Variants in ECE2 observed in about 807,000 individuals in gnomAD.
ECE2 encodes the protein endothelin-converting enzyme 2.
A neutral mutation model predicts 100.6 loss-of-function variants in ECE2; 81 were observed. The observed-to-expected ratio is 0.81, with a 90% CI of 0.67 to 0.97. The LOEUF (loss-of-function observed/expected upper bound fraction) is 0.97, where lower values mean the gene tolerates loss of function less well. Ranked by LOEUF, ECE2 falls within the 50% of genes least tolerant of loss-of-function variation. ECE2 has a pLI of 0.00. For synonymous variants in ECE2, 391 were observed against 391.5 expected (o/e 1.00, Z 0.02); for missense variants, 911 against 988.1 (o/e 0.92, Z 1.05).
intron 3 of ECE2, 106 bp downstream of exon 3, chr3:184,277,133 G>GC: frequency 1.9e-6 from 3 of 1,599,374 alleles, no homozygotes; most frequent in Admixed American, 1.7e-5. Context: ...CTGCAGAAAA[G>GC]CCCCCGGCTT....
intron 8 of ECE2, among the ~76,000 whole-genome samples, chr3:184,284,311 G>A (rs1720936014): frequency 6.6e-6 from 1 of 152,110 alleles, no homozygotes; most frequent in African/African-American, 2.4e-5. Flanking sequence ...GGGAGGCCGA[G>A]GCGGGTGGAT....
intron 4 of ECE2, 141 bp downstream of exon 4, chr3:184,277,607 G>C (rs1720623759): frequency 1.0e-6 from 1 of 993,862 alleles, no homozygotes; most frequent in Admixed American, 2.6e-5. Context: ...GGGAGGCAGA[G>C]AGCAGGGGAC....
chr3:184,291,212 G>A lies in ECE2; in HGVS notation c.2007G>A (p.Gly669=), dbSNP rs770191908. The part of the protein sequence containing the change: ...TLGENIADNG[G]LKAAYNAYKA... Reference sequence around the variant, plus strand: ...GGGAGAACATTGCTGACAACGGGGGGCTGAAGGCTGCCTACAATGTGAGTG... The same window carrying A: ...GGGAGAACATTGCTGACAACGGGGGACTGAAGGCTGCCTACAATGTGAGTG... Residue 669 remains glycine, a synonymous_variant, in exon 17 of 19, where the codon GGG becomes GGA. Transcript: ENST00000404464. This position sits in a 1 kb window ranked among gnomAD's most constrained non-coding sequence, Gnocchi z 4.1. The A allele has an allele frequency of 4.3e-6, 7 of 1,612,284 alleles. No homozygotes were observed. In the South Asian group the frequency reaches 7.7e-5, roughly 18 times the overall value.
intron 7 of ECE2, 51 bp from the exon 8 acceptor site, chr3:184,283,734 C>T (rs1248102842): frequency 7.6e-6 from 12 of 1,585,288 alleles, no homozygotes; most frequent in Non-Finnish European, 8.6e-6. Context: ...CAGATCTCAG[C>T]CTTGGGCAGG....
At chr3:184,284,882 T>C (rs1560184942) in intron 8 of ECE2, 81 bp from the exon 9 acceptor site, 1 of 1,535,766 alleles carries the variant, frequency 6.5e-7, no homozygotes, top group East Asian at 2.3e-5. Context: ...TGGGAAGGGC[T>C]CCCAGGCTAC....
rs371470060 is a variant in ECE2 at position 184,276,519 on chromosome 3, C to T, written c.78C>T (p.Asp26=). 1 of 1,611,386 alleles carries T rather than the reference C, an allele frequency of 6.2e-7. No individual in the cohort carries two copies. The highest frequency in any genetic ancestry group is 1.3e-5 in the African/African-American group (1 of 74,994). Residue 26 remains aspartate, a synonymous_variant, in exon 2 of 19, where the codon GAC becomes GAT. Coordinates refer to ENST00000404464, the MANE Select transcript of ECE2 (RefSeq NM_001100121.2). ...AACGGGCCACGCTTCGGGATGAAGA[C>T]GCACCCGAGACCCCCGTAGAGGGCG... ...EYKRATLRDE[D]APETPVEGGA...
In ECE2 at chr3:184,276,116, G is replaced by C; in HGVS notation, c.-38G>C. The C allele has an allele frequency of 7.7e-7, 1 of 1,306,328 alleles. No homozygotes were observed. The highest frequency in any genetic ancestry group is 9.7e-7 in the Non-Finnish European group (1 of 1,030,698). The allele number at this position is 1,306,328 out of a possible 1,614,324, so 80.9% of individuals were successfully genotyped here. A position where few individuals can be genotyped will look rare whatever the true frequency, so the allele number is the denominator to read the frequency against. On this transcript the variant is annotated 5_prime_UTR_variant, in exon 1 of 19. Transcript: ENST00000404464. ...GCCGCGGCCCGGGAGCGGGCCAGCTGCCGGGAGCCCTGAATCACCGCCTGG... is the reference window on the plus strand; with the variant it reads ...GCCGCGGCCCGGGAGCGGGCCAGCTCCCGGGAGCCCTGAATCACCGCCTGG...
rs750468294 is a variant in ECE2, at chr3:184,287,856, A to G, written c.1283A>G (p.Gln428Arg). Residue 428 changes from glutamine (Q) to arginine (R), a missense_variant, in exon 11 of 19, where the codon CAG becomes CGG. Physicochemically the swap from Gln to Arg is conservative, Grantham distance 43 (BLOSUM62 1). Coordinates refer to ENST00000404464, the MANE Select transcript of ECE2 (RefSeq NM_001100121.2). ...GTKKSCVPRW[Q>R]TCISNTDDAL... ...TAACAGTCCTGTGTGCCGAGGTGGC[A>G]GACCTGCATCTCCAACACGGATGAC... The G allele has an allele frequency of 1.9e-5, 30 of 1,614,064 alleles. No homozygotes were observed. In the Admixed American group the frequency reaches 4.7e-4, roughly 25 times the overall value.
At chr3:184,290,191 C>G in intron 13 of ECE2, 64 bp from the exon 14 acceptor site, 1 of 1,350,006 alleles carries the variant, frequency 7.4e-7, no homozygotes, top group Non-Finnish European at 1.0e-6. Flanking sequence ...AGTAGCCAAA[C>G]TGGCGCTATT....
chr3:184,290,448 G>T, intron 14 of ECE2, 90 bp downstream of exon 14: 1 of 1,559,186 alleles, frequency 6.4e-7, no homozygotes, highest in Non-Finnish European at 8.8e-7. Flanking sequence ...GGCAAGACTG[G>T]TCCCAGACCG....
rs761132505 is a variant in ECE2, at chr3:184,278,002, C to A, written c.556C>A (p.Arg186Ser). The part of the protein sequence containing the change: ...RFYLSCLQVE[R>S]IEELGAQPLR... ...CTACCTATCTTGCCTACAGGTGGAG[C>A]GCATTGAGGAGCTGGGAGCCCAGCC... is the stretch of plus-strand genomic sequence containing the variant. Residue 186 changes from arginine (R) to serine (S), a missense_variant, in exon 5 of 19, where the codon CGC becomes AGC. Physicochemically the swap from Arg to Ser is moderately radical, Grantham distance 110. Transcript: ENST00000404464. The A allele has an allele frequency of 4.3e-6, 7 of 1,613,964 alleles. No individual in the cohort carries two copies. In the Admixed American group the frequency reaches 1.0e-4, roughly 23 times the overall value.
At position 184,291,193 on chromosome 3, in the gene ECE2, A is replaced by G. The variant is rs747081680; in HGVS notation, c.1988A>G (p.Asn663Ser). Reference sequence around the variant, plus strand: ...AACGGCCGCCAGACGCTGGGGGAGAACATTGCTGACAACGGGGGGCTGAAG... The same window carrying G: ...AACGGCCGCCAGACGCTGGGGGAGAGCATTGCTGACAACGGGGGGCTGAAG... Reference protein sequence around the residue: ...RLNGRQTLGENIADNGGLKAA... With the variant: ...RLNGRQTLGESIADNGGLKAA... Residue 663 changes from asparagine to serine, a missense_variant, in exon 17 of 19, where the codon AAC becomes AGC. Transcript: ENST00000404464. This position sits in a 1 kb window ranked among gnomAD's most constrained non-coding sequence, Gnocchi z 4.1. 1.9e-6 allele frequency: 3 copies of G among 1,613,554 alleles called. No homozygotes were observed. The highest frequency in any genetic ancestry group is 1.7e-4 in the Middle Eastern group (1 of 6,058).
Position 184,285,496 on chromosome 3 carries a change from G to T in ECE2, c.1167G>T (p.Leu389=). The T allele has an allele frequency of 6.2e-7, 1 of 1,614,074 alleles. No individual in the cohort carries two copies. Among genetic ancestry groups the T allele is most frequent in the South Asian group, 1.1e-5 (1 of 91,080 alleles). ...TTGTCAGCATCCTGAACAATTACCT[G>T]ATCTGGAACCTGGTGCAAAAGACAA... The part of the protein sequence containing the change: ...RTEPSILNNY[L]IWNLVQKTTS... Residue 389 remains leucine, a synonymous_variant, in exon 10 of 19, where the codon CTG becomes CTT. Transcript: ENST00000404464.
intron 7 of ECE2, among the ~76,000 whole-genome samples, chr3:184,282,345 A>T (rs1219977039): frequency 2.0e-5 from 3 of 151,606 alleles, no homozygotes; most frequent in Non-Finnish European, 4.4e-5. Flanking sequence ...ATGAATATTA[A>T]GGGATCTAAA....
In ECE2 at chr3:184,277,009, G is replaced by C. The variant is rs771468154; in HGVS notation, c.244G>C (p.Gly82Arg). ...GCTTCTGGGCTGCCTTGTGGCCCTA[G>C]GGGTCCAGTACCACAGAGGTAGGTG... ...ALLLGCLVAL[G>R]VQYHRDPSHS... Residue 82 changes from glycine to arginine, a missense_variant, in exon 3 of 19, where the codon GGG (glycine) becomes CGG (arginine). By Grantham distance (125) the Gly-to-Arg change is moderately radical. Coordinates refer to ENST00000404464, the MANE Select transcript of ECE2 (RefSeq NM_001100121.2). The C allele has an allele frequency of 1.2e-6, 2 of 1,614,010 alleles. No homozygotes were observed. Among genetic ancestry groups the C allele is most frequent in the Non-Finnish European group, 1.7e-6 (2 of 1,179,992 alleles).
rs532314990 is a variant in ECE2, at chr3:184,283,688, A to G, written c.817-97A>G. ...TCCAGAAAGGCTTCCAGAAGGATCA[A>G]GCAGAAGAGATATTGGGCAGAGGTG... On this transcript the variant is annotated intron_variant, in intron 7 of 18. Transcript: ENST00000404464. 9 of 1,302,976 alleles carry G rather than the reference A, an allele frequency of 6.9e-6. No individual in the cohort carries two copies. In the Admixed American group the frequency reaches 8.9e-5, roughly 13 times the overall value. 80.7% of individuals were successfully genotyped at this position (1,302,976 alleles called of 1,614,324 possible).
At position 184,291,135 on chromosome 3, in the gene ECE2, T is replaced by G. The variant is rs1349937537; in HGVS notation, c.1930T>G (p.Tyr644Asp). The change falls in exon 17 of 19, where the codon TAC (tyrosine) becomes GAC (aspartate). Residue 644 changes from tyrosine (Y) to aspartate (D), a missense_variant. Coordinates refer to ENST00000404464, the MANE Select transcript of ECE2 (RefSeq NM_001100121.2). This position sits in a 1 kb window ranked among gnomAD's most constrained non-coding sequence, Gnocchi z 4.1. Reference sequence around the variant, plus strand: ...CCACACGGCCTGCATGGAGGAACAGTACAATCAATACCAGGTCAATGGGGA... The same window carrying G: ...CCACACGGCCTGCATGGAGGAACAGGACAATCAATACCAGGTCAATGGGGA... Reference protein sequence around the residue: ...RNHTACMEEQYNQYQVNGERL... With the variant: ...RNHTACMEEQDNQYQVNGERL... The G allele has an allele frequency of 3.7e-6, 6 of 1,613,422 alleles. No homozygotes were observed. The East Asian group carries it at 1.3e-4, about 36-fold the overall frequency.
At chr3:184,276,241 CGA>C in intron 1 of ECE2, 49 bp downstream of exon 1, 1 of 1,437,632 alleles carries the variant, frequency 7.0e-7, no homozygotes, top group Non-Finnish European at 9.1e-7. Context: ...TGGAGGGGGA[CGA>C]GGCAGAGGGG....
In ECE2 at chr3:184,278,530, C is replaced by T. The variant is rs778327134; in HGVS notation, c.789C>T (p.Tyr263=). The change falls in exon 7 of 19, where the codon TAC becomes TAT. Residue 263 remains tyrosine, a synonymous_variant. Transcript: ENST00000404464. ...QSGLFLPSRD[Y]YLNRTANEKV... Reference sequence around the variant, plus strand: ...GGCTCTTTCTGCCCTCTCGGGATTACTACTTAAACAGAACTGCCAATGAGA... The same window carrying T: ...GGCTCTTTCTGCCCTCTCGGGATTATTACTTAAACAGAACTGCCAATGAGA... 1 of 1,614,088 alleles carries T rather than the reference C, an allele frequency of 6.2e-7. No individual in the cohort carries two copies. The highest frequency in any genetic ancestry group is 8.5e-7 in the Non-Finnish European group (1 of 1,180,028).
Sources: allele counts gnomAD v4.1 joint callset (sites outside exome capture counted in the v4.1 genomes callset), GRCh38; gene constraint gnomAD v4.1.1; non-coding constraint Gnocchi (gnomAD v3.1); transcripts MANE v1.5; gene names NCBI Gene and HGNC (gene_info 2026-07-23, HGNC 2026-07-21).